Variants in GGA1 observed in about 807,000 individuals in gnomAD.
GGA1 encodes the protein golgi associated, gamma adaptin ear containing, ARF binding protein 1, also known as ADP-ribosylation factor-binding protein GGA1.
GGA1 carries 18 observed loss-of-function variants against 76.9 expected under a neutral mutation model. The ratio of observed to expected loss-of-function variants is 0.23; its 90% CI spans 0.16 to 0.35. The LOEUF (loss-of-function observed/expected upper bound fraction) is 0.35, where lower values mean the gene tolerates loss of function less well. Among genes scored for constraint, GGA1 ranks in the 10% least tolerant of loss-of-function variants. GGA1 has a pLI of 1.00. For synonymous variants in GGA1, 342 were observed against 354.7 expected (o/e 0.96, Z 0.40); for missense variants, 755 against 859.0 (o/e 0.88, Z 1.51).
In GGA1 at chr22:37,620,318, G is replaced by A; in HGVS notation, c.384G>A (p.Glu128=). 2 of 1,614,024 alleles carry A rather than the reference G, an allele frequency of 1.2e-6. No individual in the cohort carries two copies. Among genetic ancestry groups the A allele is most frequent in the Non-Finnish European group, 1.7e-6 (2 of 1,179,970 alleles). ...LLYSWTVGLP[E]EVKIAEAYQM... is the part of the protein sequence containing the mutation. ...ACAGCTGGACAGTGGGCCTGCCCGA[G>A]GAGGTGAAAATCGCAGAGGCCTACC... The change falls in exon 5 of 17, where the codon GAG becomes GAA. Residue 128 remains glutamate (E), a synonymous_variant. Transcript: ENST00000343632.
intron 1 of GGA1, chr22:37,612,961 T>A: frequency 1.0e-6 from 1 of 985,084 alleles, no homozygotes; most frequent in South Asian, 4.7e-5. Flanking sequence ...ATTTCTGGAT[T>A]CAGTCTTCCC....
chr22:37,617,724 ATTTGT>A, intron 3 of GGA1: 1 of 770,856 alleles, frequency 1.3e-6, no homozygotes, highest in Non-Finnish European at 1.6e-6. Flanking sequence ...ATTGTTACAT[ATTTGT>A]TTTAACATTT....
At chr22:37,621,719 A>G (rs1241136558) in intron 7 of GGA1, 23 bp downstream of exon 7, 1 of 1,515,060 alleles carries the variant, frequency 6.6e-7, no homozygotes, top group Non-Finnish European at 9.0e-7. Flanking sequence ...CCCAGAGCAC[A>G]GGGAGGAGGC....
At position 37,624,787 on chromosome 22, in the gene GGA1, G is replaced by A. The variant is rs1930507962; in HGVS notation, c.833-182G>A. 1 of 752,096 alleles carries A rather than the reference G, an allele frequency of 1.3e-6. No individual in the cohort carries two copies. 46.6% of individuals were successfully genotyped at this position (752,096 alleles called of 1,614,324 possible). Reference sequence around the variant, plus strand: ...ATGGCAGGGAGTGAATGAGGGAAGGGTGGGAGGTGAGACCAGGGAGGTGGC... The same window carrying A: ...ATGGCAGGGAGTGAATGAGGGAAGGATGGGAGGTGAGACCAGGGAGGTGGC... On this transcript the variant is annotated intron_variant, in intron 9 of 16. Coordinates refer to ENST00000343632, the MANE Select transcript of GGA1 (RefSeq NM_013365.5). The surrounding 1 kb of genome is among the most constrained non-coding windows in gnomAD (Gnocchi z 4.3).
intron 4 of GGA1, 23 bp from the exon 5 acceptor site, chr22:37,620,215 G>T (rs1321251743): frequency 6.2e-7 from 1 of 1,613,076 alleles, no homozygotes; most frequent in Non-Finnish European, 8.5e-7. Context: ...AGTATCAAAG[G>T]CCTCCCCACT....
intron 11 of GGA1, among the ~76,000 whole-genome samples, chr22:37,627,483 G>A (rs1931054054): frequency 6.6e-6 from 1 of 152,142 alleles, no homozygotes; most frequent in Non-Finnish European, 1.5e-5. Flanking sequence ...GCAGGGAGAG[G>A]ACCTTTACCC....
rs755028477 is a variant in GGA1 at position 37,623,322 on chromosome 22, C to T, written c.610-5C>T. 10 of 1,613,836 alleles carry T rather than the reference C, an allele frequency of 6.2e-6. No homozygotes were observed. The highest frequency in any genetic ancestry group is 8.5e-6 in the Non-Finnish European group (10 of 1,179,912). ...CTCAGGGGCCCTTGGCCAATGTGTC[C>T]CCAGGACCAGAAGCGGATGGAGAAG... On this transcript the variant is annotated splice_polypyrimidine_tract_variant and splice_region_variant and intron_variant, in intron 7 of 16. Coordinates refer to ENST00000343632, the MANE Select transcript of GGA1 (RefSeq NM_013365.5). The surrounding 1 kb of genome is among the most constrained non-coding windows in gnomAD (Gnocchi z 4.6).
intron 11 of GGA1, among the ~76,000 whole-genome samples, chr22:37,629,135 C>T (rs1050273004): frequency 1.3e-5 from 2 of 152,240 alleles, no homozygotes; most frequent in African/African-American, 4.8e-5. Flanking sequence ...AACCTCTTCT[C>T]CCTGCAGCCC....
rs1932080086 is a variant in GGA1, at chr22:37,632,982, C to G, written c.*271C>G. On this transcript the variant is annotated 3_prime_UTR_variant, in exon 17 of 17. Coordinates refer to ENST00000343632, the MANE Select transcript of GGA1 (RefSeq NM_013365.5). The surrounding 1 kb of genome is among the most constrained non-coding windows in gnomAD (Gnocchi z 5.1). The stretch of plus-strand genomic sequence containing the variant: ...ACCTGGAGAGGGAGGGGCTGTGTAG[C>G]CTTGGAAGAACTTGGGTCATGGGGA... The G allele has an allele frequency of 6.3e-6, 3 of 475,820 alleles. No homozygotes were observed. In the South Asian group the frequency reaches 8.3e-5, roughly 13 times the overall value. The allele number at this position is 475,820 out of a possible 1,614,324, so 29.5% of individuals were successfully genotyped here. A position where few individuals can be genotyped will look rare whatever the true frequency, so the allele number is the denominator to read the frequency against.
Position 37,633,004 on chromosome 22 carries a change from G to T in GGA1, c.*293G>T. 2.5e-6 allele frequency: 1 copy of T among 407,398 alleles called. No individual in the cohort carries two copies. Among genetic ancestry groups the T allele is most frequent in the Non-Finnish European group, 4.6e-6 (1 of 219,720 alleles). The allele number at this position is 407,398 out of a possible 1,614,324, so 25.2% of individuals were successfully genotyped here. A position where few individuals can be genotyped will look rare whatever the true frequency, so the allele number is the denominator to read the frequency against. On this transcript the variant is annotated 3_prime_UTR_variant, in exon 17 of 17. Transcript: ENST00000343632. Reference sequence around the variant, plus strand: ...TAGCCTTGGAAGAACTTGGGTCATGGGGAGGAAGCACAGCTGTTGGGGAAG... The same window carrying T: ...TAGCCTTGGAAGAACTTGGGTCATGTGGAGGAAGCACAGCTGTTGGGGAAG...
chr22:37,617,593 G>C, intron 3 of GGA1: 1 of 931,296 alleles, frequency 1.1e-6, no homozygotes, highest in Non-Finnish European at 1.3e-6. Context: ...CAGCACTTGG[G>C]GAGGCCAAGG....
intron 3 of GGA1, chr22:37,617,660 C>T (rs1167998999): frequency 1.6e-6 from 1 of 619,872 alleles, no homozygotes; most frequent in East Asian, 1.4e-4. Context: ...GATTGTGCCA[C>T]TGTACTCCAG....
At chr22:37,614,673 T>A (rs1288569473) in intron 2 of GGA1, among the ~76,000 whole-genome samples, 1 of 152,212 alleles carries the variant, frequency 6.6e-6, no homozygotes, top group Non-Finnish European at 1.5e-5. Flanking sequence ...CAGAACTACC[T>A]GTGTTAGAAT....
chr22:37,612,376 G>T (rs935858847), intron 1 of GGA1, among the ~76,000 whole-genome samples: 1 of 149,434 alleles, frequency 6.7e-6, no homozygotes, highest in Non-Finnish European at 1.5e-5. Context: ...GGAGGCTGAG[G>T]CAGGAGAATG....
chr22:37,622,056 G>A (rs1228158499), intron 7 of GGA1, among the ~76,000 whole-genome samples: 1 of 151,060 alleles, frequency 6.6e-6, no homozygotes, highest in African/African-American at 2.5e-5. Context: ...ATGAATATAT[G>A]TAAGTATGTA....
At position 37,623,795 on chromosome 22, in the gene GGA1, G is replaced by C; in HGVS notation, c.832+162G>C. The C allele has an allele frequency of 3.3e-6, 2 of 603,018 alleles. No individual in the cohort carries two copies. Among genetic ancestry groups the C allele is most frequent in the South Asian group, 2.0e-5 (1 of 50,754 alleles). The allele number at this position is 603,018 out of a possible 1,614,324, so 37.4% of individuals were successfully genotyped here. On this transcript the variant is annotated intron_variant, in intron 9 of 16. Coordinates refer to ENST00000343632, the MANE Select transcript of GGA1 (RefSeq NM_013365.5). The surrounding 1 kb of genome is among the most constrained non-coding windows in gnomAD (Gnocchi z 4.6). Reference sequence around the variant, plus strand: ...TGGGTTTCTCCTCTCTGAGGACACAGAGCAGGGGCCGCCCCCCTGTTGAGA... The same window carrying C: ...TGGGTTTCTCCTCTCTGAGGACACACAGCAGGGGCCGCCCCCCTGTTGAGA...
chr22:37,620,724 T>C, intron 5 of GGA1, 89 bp from the exon 6 acceptor site: 2 of 840,134 alleles, frequency 2.4e-6, no homozygotes, highest in Non-Finnish European at 4.2e-6. Context: ...CCCTCTTCTG[T>C]CCTACCCTTG....
chr22:37,620,224 C>T lies in GGA1; in HGVS notation c.304-14C>T. On this transcript the variant is annotated splice_polypyrimidine_tract_variant and intron_variant, in intron 4 of 16. Coordinates refer to ENST00000343632, the MANE Select transcript of GGA1 (RefSeq NM_013365.5). ...CTGGGCAGTATCAAAGGCCTCCCCA[C>T]TGTGTCCCTGAAGTATCTGGGCTCT... 1 of 1,613,928 alleles carries T rather than the reference C, an allele frequency of 6.2e-7. No homozygotes were observed. Among genetic ancestry groups the T allele is most frequent in the Non-Finnish European group, 8.5e-7 (1 of 1,179,834 alleles).
rs1455865283 is a variant in GGA1 at position 37,633,324 on chromosome 22, T to C, written c.*613T>C. 6.6e-6 allele frequency: 1 copy of C among 152,028 alleles called. No homozygotes were observed. Among genetic ancestry groups the C allele is most frequent in the Non-Finnish European group, 1.5e-5 (1 of 68,032 alleles). 9.4% of individuals were successfully genotyped at this position (152,028 alleles called of 1,614,324 possible). On this transcript the variant is annotated 3_prime_UTR_variant, in exon 17 of 17. Transcript: ENST00000343632. ...GGCCCGTACTCCTGGGGGTTTCCCT[T>C]TGCCATTGGGCCCCCTGAGGGACTG... is the stretch of plus-strand genomic sequence containing the variant.
Sources: gnomAD v4.1 joint callset for allele counts (sites outside exome capture counted in the v4.1 genomes callset) on GRCh38, gnomAD v4.1.1 for gene constraint, Gnocchi (gnomAD v3.1) non-coding constraint, MANE v1.5 for transcripts, NCBI Gene and HGNC (gene_info 2026-07-23, HGNC 2026-07-21) for gene names.